TOGARAM1: variants seen among roughly 807,000 people sequenced by gnomAD.
TOGARAM1 encodes the protein TOG array regulator of axonemal microtubules protein 1.
In TOGARAM1, 100 loss-of-function variants were observed where a neutral mutation model predicts 166.6. That is an observed-to-expected ratio of 0.60 (90% CI 0.51 to 0.71). TOGARAM1 has a LOEUF of 0.71. Among genes scored for constraint, TOGARAM1 ranks in the 30% least tolerant of loss-of-function variants. The probability of loss-of-function intolerance (pLI) is 0.00; values close to 1 mark genes in which losing one functional copy is unlikely to be tolerated. For synonymous variants in TOGARAM1, 758 were observed against 763.8 expected, an observed-to-expected ratio of 0.99 and a Z score of 0.13; for missense variants, 2,029 against 2,102.7, an observed-to-expected ratio of 0.96 and a Z score of 0.69.
At chr14:44,965,869 ATTT>A (rs747983176) in intron 1 of TOGARAM1, among the ~76,000 whole-genome samples, 2 of 120,492 alleles carry the variant, frequency 1.7e-5, no homozygotes. Flanking sequence ...ACAAATAGTA[ATTT>A]TTTTTTTTTT....
In TOGARAM1 at chr14:44,991,770, A is replaced by G. The variant is rs146511601; in HGVS notation, c.2047-3976A>G. 4.9e-4 allele frequency among the ~76,000 whole-genome samples: 75 copies of G among 152,114 alleles called. No individual in the cohort carries two copies. The East Asian group carries it at 9.1e-3, about 18-fold the overall frequency. ...ATAGCTTATTGAAGAATGTTTACAT[A>G]TAGAAAAAGACCTGTTAACAGGATT... On this transcript the variant is annotated intron_variant, in intron 1 of 19. Coordinates refer to ENST00000361462, the MANE Select transcript of TOGARAM1 (RefSeq NM_001308120.2).
chr14:44,981,272 G>A (rs565691039), intron 1 of TOGARAM1, among the ~76,000 whole-genome samples: 300 of 152,320 alleles, frequency 2.0e-3, no homozygotes, highest in Middle Eastern at 3.4e-3. Context: ...AAAACTGTGA[G>A]AATGGATGGG....
chr14:45,010,264 T>G (rs1165118315), intron 6 of TOGARAM1, among the ~76,000 whole-genome samples: 1 of 152,192 alleles, frequency 6.6e-6, no homozygotes, highest in Non-Finnish European at 1.5e-5. Context: ...AGCCCCTTAT[T>G]TTTTCCTATA....
intron 3 of TOGARAM1, among the ~76,000 whole-genome samples, chr14:45,002,836 G>A (rs1029521673): frequency 2.6e-5 from 4 of 152,050 alleles, no homozygotes; most frequent in Admixed American, 2.0e-4. Flanking sequence ...AAAACTAGCC[G>A]GACATGGTGG....
intron 7 of TOGARAM1, chr14:45,022,818 T>C (rs773586780): frequency 6.6e-6 from 1 of 152,108 alleles, no homozygotes; most frequent in Non-Finnish European, 1.5e-5. Flanking sequence ...TTTCCTTTCC[T>C]TTCTGATGAC....
chr14:44,998,761 T>A lies in TOGARAM1; in HGVS notation c.2204-602T>A, dbSNP rs191815369. Among the ~76,000 whole-genome samples, 1,330 of 152,318 alleles carry A rather than the reference T, an allele frequency of 8.7e-3. 74 individuals are homozygous for A. Among genetic ancestry groups the A allele is most frequent in the Admixed American group, 0.083 (1,266 of 15,290 alleles). On this transcript the variant is annotated intron_variant, in intron 2 of 19. Transcript: ENST00000361462. ...ACAAAGGATGGGCTCATTTAATAGATGGATAAACTAAACGCCAGAGGAGTC... is the reference window on the plus strand; with the variant it reads ...ACAAAGGATGGGCTCATTTAATAGAAGGATAAACTAAACGCCAGAGGAGTC...
Position 45,006,507 on chromosome 14 carries a change from A to G in TOGARAM1, c.2904+240A>G, listed in dbSNP as rs1594647129. On this transcript the variant is annotated intron_variant, in intron 5 of 19. Coordinates refer to ENST00000361462, the MANE Select transcript of TOGARAM1 (RefSeq NM_001308120.2). The stretch of plus-strand genomic sequence containing the variant: ...TGTATTTTCTTCAAGTATTTTTTCT[A>G]TGCATACATTATTCCTTTTTAAATT... 9.0e-6 allele frequency: 3 copies of G among 332,832 alleles called. No individual in the cohort carries two copies. In the East Asian group the frequency reaches 1.7e-4, roughly 18 times the overall value. 20.6% of individuals were successfully genotyped at this position (332,832 alleles called of 1,614,324 possible). A position where few individuals can be genotyped will look rare whatever the true frequency, so the allele number is the denominator to read the frequency against.
chr14:45,014,107 G>C (rs537403969), intron 7 of TOGARAM1, among the ~76,000 whole-genome samples: 4 of 149,414 alleles, frequency 2.7e-5, no homozygotes, highest in African/African-American at 9.9e-5. Flanking sequence ...GTGCAGTGGC[G>C]TAATCTCAGC....
intron 10 of TOGARAM1, among the ~76,000 whole-genome samples, chr14:45,030,324 A>G (rs11845956): frequency 0.16 from 24,334 of 152,024 alleles, 3,650 homozygotes; most frequent in African/African-American, 0.4. Context: ...TGTTTCATGA[A>G]CGTGGGAATG....
intron 4 of TOGARAM1, among the ~76,000 whole-genome samples, chr14:45,004,944 C>T (rs1370394462): frequency 1.3e-5 from 2 of 149,942 alleles, no homozygotes; most frequent in South Asian, 2.1e-4. Context: ...TTTTTTGAGA[C>T]GGAGTTTCGC....
intron 1 of TOGARAM1, among the ~76,000 whole-genome samples, chr14:44,995,258 G>A (rs1887357131): frequency 6.6e-6 from 1 of 152,084 alleles, no homozygotes. Context: ...ATACCCTAAG[G>A]GAACTATGAC....
chr14:45,058,029 T>C (rs1882724144), intron 16 of TOGARAM1, among the ~76,000 whole-genome samples: 1 of 152,218 alleles, frequency 6.6e-6, no homozygotes, highest in Non-Finnish European at 1.5e-5. Flanking sequence ...CCTAGTACTG[T>C]GAGTGGAATG....
rs71108678 is a variant in TOGARAM1, at chr14:45,049,057, CAAAAAAAAAA to C, written c.4313+2374_4313+2383del. ...GAGCCCAGGACAGAGACAAACTTCT[CAAAAAAAAAA>C]AAAAAAAAAAAAAAAAAAAGACTGA... is the stretch of plus-strand genomic sequence containing the variant. On this transcript the variant is annotated intron_variant, in intron 14 of 19. Transcript: ENST00000361462. 5.3e-4 allele frequency among the ~76,000 whole-genome samples: 25 copies of C among 47,324 alleles called. 1 individual carries two copies. The highest frequency in any genetic ancestry group is 2.2e-3 in the African/African-American group (23 of 10,654). 31.0% of individuals were successfully genotyped at this position (47,324 alleles called of 152,430 possible).
At chr14:45,043,814 T>C (rs778486456) in intron 12 of TOGARAM1, 23 bp downstream of exon 12, 1 of 1,303,106 alleles carries the variant, frequency 7.7e-7, no homozygotes, top group Non-Finnish European at 1.1e-6. Context: ...TTCAGATGAG[T>C]TAAGGATTGT....
At chr14:45,028,396 T>C in intron 10 of TOGARAM1, 67 bp downstream of exon 10, 1 of 1,471,154 alleles carries the variant, frequency 6.8e-7, no homozygotes. Context: ...GAAATGAGGT[T>C]TCACTGAGGG....
chr14:45,003,988 CA>C (rs1887817611), intron 3 of TOGARAM1, 72 bp from the exon 4 acceptor site: 3 of 1,313,202 alleles, frequency 2.3e-6, no homozygotes, highest in Non-Finnish European at 3.0e-6. Context: ...ATGGGAAAAG[CA>C]AAAAGCAAAA....
chr14:44,989,690 T>G (rs1161410382), intron 1 of TOGARAM1, among the ~76,000 whole-genome samples: 1 of 152,204 alleles, frequency 6.6e-6, no homozygotes, highest in African/African-American at 2.4e-5. Flanking sequence ...TGTTCTAGCC[T>G]CTGCCTGTTA....
intron 1 of TOGARAM1, among the ~76,000 whole-genome samples, chr14:44,979,905 G>A (rs867936238): frequency 1.3e-5 from 2 of 152,102 alleles, no homozygotes; most frequent in South Asian, 4.1e-4. Context: ...ATGGCATAAG[G>A]CATGATACAA....
chr14:44,978,163 A>G (rs985325157), intron 1 of TOGARAM1: 2 of 152,210 alleles, frequency 1.3e-5, no homozygotes, highest in African/African-American at 4.8e-5. Context: ...GGGCACTGAT[A>G]AAAGTAGTTT....
Sources: allele counts gnomAD v4.1 joint callset (sites outside exome capture counted in the v4.1 genomes callset), GRCh38; gene constraint gnomAD v4.1.1; transcripts MANE v1.5; gene names NCBI Gene and HGNC (gene_info 2026-07-23, HGNC 2026-07-21).